PLCD1: variants seen among roughly 807,000 people sequenced by gnomAD.
PLCD1 encodes phospholipase C delta 1, also known as 1-phosphatidylinositol 4,5-bisphosphate phosphodiesterase delta-1.
In PLCD1, 71 loss-of-function variants were observed where a neutral mutation model predicts 87.4. That is an observed-to-expected ratio of 0.81 (90% CI 0.67 to 0.99). PLCD1 has a LOEUF of 0.99. PLCD1 is among the 50% of genes least tolerant of loss of function. PLCD1 has a pLI of 0.00. For missense variants in PLCD1, 867 were observed against 1,001.5 expected (o/e 0.87, Z 1.81); for synonymous variants, 348 against 399.2 (o/e 0.87, Z 1.53).
At position 38,014,618 on chromosome 3, in the gene PLCD1, C is replaced by T. The variant is rs367914386; in HGVS notation, c.428+1873G>A. The stretch of plus-strand genomic sequence containing the variant: ...ACAACTAATTGATCACAAGCAGTTC[C>T]AGATTTCTTTGTTCCTTCTCCACTC... On this transcript the variant is annotated intron_variant, in intron 3 of 14. Coordinates refer to ENST00000334661, the MANE Select transcript of PLCD1 (RefSeq NM_006225.4). 2.0e-5 allele frequency: 3 copies of T among 153,630 alleles called. No homozygotes were observed. The South Asian group carries it at 6.2e-4, about 32-fold the overall frequency. The allele number at this position is 153,630 out of a possible 1,614,324, so 9.5% of individuals were successfully genotyped here.
chr3:38,020,910 C>T (rs1700224299), intron 1 of PLCD1, among the ~76,000 whole-genome samples: 1 of 152,252 alleles, frequency 6.6e-6, no homozygotes, highest in East Asian at 1.9e-4. Flanking sequence ...GGTTCAGGTG[C>T]CCTTCCCAAC....
In PLCD1 at chr3:38,007,753, C is replaced by A. The variant is rs769857108; in HGVS notation, c.*20G>T. 1 of 1,594,508 alleles carries A rather than the reference C, an allele frequency of 6.3e-7. No individual in the cohort carries two copies. Among genetic ancestry groups the A allele is most frequent in the Non-Finnish European group, 8.6e-7 (1 of 1,162,232 alleles). On this transcript the variant is annotated 3_prime_UTR_variant, in exon 15 of 15. Transcript: ENST00000334661. ...GAGGGCCCAGCCCACTCAGGGGGGA[C>A]CCCACTGGCTTCCTCCAGCCTAGTC...
Position 38,009,646 on chromosome 3 carries a change from C to G in PLCD1, c.1446+7G>C, listed in dbSNP as rs150940353. 1.7e-4 allele frequency: 276 copies of G among 1,614,092 alleles called. No homozygotes were observed. The African/African-American group carries it at 3.1e-3, about 18-fold the overall frequency. ...GGGCTGCCCCACCCCACAGCTCCCC[C>G]TCAAACCTTGGGCTTGTGCTGCACA... On this transcript the variant is annotated splice_region_variant and intron_variant, in intron 9 of 14. Transcript: ENST00000334661.
chr3:38,016,000 C>T (rs891685913), intron 3 of PLCD1, among the ~76,000 whole-genome samples: 11 of 152,152 alleles, frequency 7.2e-5, no homozygotes, highest in Non-Finnish European at 1.5e-5. Context: ...CAGACTAGAC[C>T]AAAGAGGGCT....
intron 1 of PLCD1, chr3:38,024,908 G>A: frequency 3.2e-6 from 1 of 311,686 alleles, no homozygotes; most frequent in South Asian, 2.8e-5. Context: ...GGATGGGGGT[G>A]GATCCAGAAC....
At chr3:38,011,959 A>G (rs943923369) in intron 3 of PLCD1, among the ~76,000 whole-genome samples, 1 of 152,118 alleles carries the variant, frequency 6.6e-6, no homozygotes, top group Admixed American at 6.5e-5. Flanking sequence ...AATCAAACAA[A>G]TCTCCCGTAG....
At position 38,026,355 on chromosome 3, in the gene PLCD1, C is replaced by T. The variant is rs1446753497; in HGVS notation, c.34+3151G>A. Among the ~76,000 whole-genome samples the T allele has an allele frequency of 5.3e-5, 8 of 152,172 alleles. No homozygotes were observed. The East Asian group carries it at 1.5e-3, about 29-fold the overall frequency. On this transcript the variant is annotated intron_variant, in intron 1 of 14. Transcript: ENST00000334661. ...CCAACATGGAGACACCCCGTCTCTGCTAAAAATACAAAAATTAGCCGGGCG... is the reference window on the plus strand; with the variant it reads ...CCAACATGGAGACACCCCGTCTCTGTTAAAAATACAAAAATTAGCCGGGCG...
In PLCD1 at chr3:38,009,343, G is replaced by A. The variant is rs747543553; in HGVS notation, c.1535C>T (p.Thr512Ile). 21 of 1,613,888 alleles carry A rather than the reference G, an allele frequency of 1.3e-5. No individual in the cohort carries two copies. The highest frequency in any genetic ancestry group is 1.6e-5 in the Non-Finnish European group (19 of 1,179,832). The change falls in exon 10 of 15, where the codon ACC becomes ATC. Residue 512 changes from threonine (T) to isoleucine (I), a missense_variant. By Grantham distance (89) the Thr-to-Ile change is moderately conservative. Coordinates refer to ENST00000334661, the MANE Select transcript of PLCD1 (RefSeq NM_006225.4). The stretch of plus-strand genomic sequence containing the variant: ...CATCTCGTAGAAGGCCTGTCCAGGG[G>A]TGCCAGGACTGGAGAAGCCCCCAAA... Reference protein sequence around the residue: ...VHFGGFSSPGTPGQAFYEMAS... With the variant: ...VHFGGFSSPGIPGQAFYEMAS...
intron 5 of PLCD1, 76 bp downstream of exon 5, chr3:38,011,138 C>T: frequency 8.5e-7 from 1 of 1,176,882 alleles, no homozygotes; most frequent in Non-Finnish European, 1.2e-6. Context: ...TTCTTTCTGG[C>T]TGCAGTCTCC....
chr3:38,024,499 T>C, intron 1 of PLCD1: 1 of 1,556,342 alleles, frequency 6.4e-7, no homozygotes, highest in Non-Finnish European at 8.7e-7. Context: ...CAGTGTTTTA[T>C]GCTCACAACA....
intron 3 of PLCD1, among the ~76,000 whole-genome samples, chr3:38,013,369 C>G (rs111970623): frequency 0.022 from 3,296 of 151,946 alleles, 62 homozygotes; most frequent in South Asian, 0.074. Flanking sequence ...CCCACCACCA[C>G]GCCCGGCTAA....
intron 2 of PLCD1, among the ~76,000 whole-genome samples, chr3:38,019,822 C>T (rs1177315689): frequency 1.3e-5 from 2 of 152,180 alleles, no homozygotes; most frequent in East Asian, 3.9e-4. Context: ...CTGCCTGGAC[C>T]TTGGGCCACC....
At chr3:38,012,126 C>G (rs576537595) in intron 3 of PLCD1, among the ~76,000 whole-genome samples, 158 of 147,298 alleles carry the variant, frequency 1.1e-3, no homozygotes, top group Non-Finnish European at 2.0e-3. Flanking sequence ...CTCTCAGGCT[C>G]AAGTGATCCT....
Position 38,008,556 on chromosome 3 carries a change from C to T in PLCD1, c.1804G>A (p.Val602Met), listed in dbSNP as rs376384426. The T allele has an allele frequency of 6.2e-6, 10 of 1,614,194 alleles. No homozygotes were observed. The highest frequency in any genetic ancestry group is 5.5e-5 in the South Asian group (5 of 91,086). The change falls in exon 12 of 15, where the codon GTG becomes ATG. Residue 602 changes from valine (V) to methionine (M), a missense_variant. By Grantham distance (21) the Val-to-Met change is conservative. Transcript: ENST00000334661. ...RFQDNGACGYVLKPAFLRDPN... is the reference protein window; with the variant it reads ...RFQDNGACGYMLKPAFLRDPN... Reference sequence around the variant, plus strand: ...TCTCGCAGGAAGGCGGGCTTCAGCACGTACCCACAGGCCCCGTTGTCCTGG... The same window carrying T: ...TCTCGCAGGAAGGCGGGCTTCAGCATGTACCCACAGGCCCCGTTGTCCTGG...
Position 38,020,195 on chromosome 3 carries a change from G to A in PLCD1, c.192C>T (p.Ser64=), listed in dbSNP as rs1201784334. ...ESRKVMRTPE[S]QLFSIEDIQE... ...TGACCCCAGGGCACTCACACAGCTG[G>A]GACTCCGGGGTCCGCATGACCTTGC... is the stretch of plus-strand genomic sequence containing the variant. Residue 64 remains serine (S), a synonymous_variant, in exon 2 of 15, where the codon TCC becomes TCT. Transcript: ENST00000334661. The A allele has an allele frequency of 6.2e-7, 1 of 1,613,674 alleles. No homozygotes were observed. The highest frequency in any genetic ancestry group is 1.3e-5 in the African/African-American group (1 of 74,886).
intron 3 of PLCD1, among the ~76,000 whole-genome samples, chr3:38,015,292 G>A (rs1279813933): frequency 6.6e-6 from 1 of 152,204 alleles, no homozygotes; most frequent in Non-Finnish European, 1.5e-5. Flanking sequence ...CTACAACATG[G>A]ATGAATATTG....
intron 1 of PLCD1, chr3:38,024,252 C>G: frequency 8.0e-7 from 1 of 1,246,612 alleles, no homozygotes; most frequent in Admixed American, 2.1e-5. Context: ...GCAAATGGCC[C>G]CGCGTTAAGG....
intron 3 of PLCD1, among the ~76,000 whole-genome samples, chr3:38,014,106 T>C (rs1343995158): frequency 6.6e-6 from 1 of 152,202 alleles, no homozygotes; most frequent in Non-Finnish European, 1.5e-5. Flanking sequence ...TACATGTTCA[T>C]GGATCAGAAG....
intron 2 of PLCD1, 28 bp downstream of exon 2, chr3:38,020,160 C>G: frequency 6.2e-7 from 1 of 1,603,076 alleles, no homozygotes; most frequent in Non-Finnish European, 8.5e-7. Flanking sequence ...ACACTCTATC[C>G]CCTCCCCTGT....
Sources: gnomAD v4.1 joint callset for allele counts (sites outside exome capture counted in the v4.1 genomes callset) on GRCh38, gnomAD v4.1.1 for gene constraint, MANE v1.5 for transcripts, NCBI Gene and HGNC (gene_info 2026-07-23, HGNC 2026-07-21) for gene names.